ARHGAP32: variants seen among roughly 807,000 people sequenced by gnomAD.
The protein encoded by ARHGAP32 is rho GTPase-activating protein 32.
ARHGAP32 carries 51 observed loss-of-function variants against 186.5 expected under a neutral mutation model. The observed-to-expected ratio is 0.27, with a 90% CI of 0.22 to 0.35. The LOEUF is 0.35. ARHGAP32 is among the 10% of genes least tolerant of loss of function. ARHGAP32 has a pLI of 1.00. For missense variants in ARHGAP32, 2,186 were observed against 2,623.5 expected (o/e 0.83, Z 3.64); for synonymous variants, 950 against 964.3 (o/e 0.99, Z 0.27).
intron 1 of ARHGAP32, among the ~76,000 whole-genome samples, chr11:129,179,112 C>A (rs1343769756): frequency 1.3e-5 from 2 of 151,740 alleles, no homozygotes; most frequent in Admixed American, 6.6e-5. Context: ...AAACAAACAA[C>A]CCCATCAAAA....
chr11:129,257,145 T>C (rs892434577), intron 1 of ARHGAP32, among the ~76,000 whole-genome samples: 6 of 152,272 alleles, frequency 3.9e-5, no homozygotes, highest in Admixed American at 3.3e-4. Context: ...AAAATTTAAA[T>C]TCTATTAGAA....
intron 9 of ARHGAP32, 107 bp downstream of exon 9, chr11:129,063,794 TG>T: frequency 8.0e-7 from 1 of 1,256,846 alleles, no homozygotes; most frequent in Non-Finnish European, 1.1e-6. Context: ...TGGAAAAACC[TG>T]GTGCTTTTCA....
chr11:128,993,002 C>G (rs1946101987), intron 12 of ARHGAP32, among the ~76,000 whole-genome samples: 1 of 152,140 alleles, frequency 6.6e-6, no homozygotes, highest in African/African-American at 2.4e-5. Context: ...CCTGATTGAA[C>G]AGCAGGGACC....
chr11:129,229,418 G>A (rs1186760981), intron 1 of ARHGAP32, among the ~76,000 whole-genome samples: 3 of 151,918 alleles, frequency 2.0e-5, no homozygotes, highest in Non-Finnish European at 4.4e-5. Flanking sequence ...ATATTAATTA[G>A]TGAACCTTTG....
chr11:129,076,141 C>T lies in ARHGAP32; in HGVS notation c.532-9273G>A, dbSNP rs1174009136. Among the ~76,000 whole-genome samples, 4 of 152,198 alleles carry T rather than the reference C, an allele frequency of 2.6e-5. No individual in the cohort carries two copies. The East Asian group carries it at 7.7e-4, about 29-fold the overall frequency. On this transcript the variant is annotated intron_variant, in intron 6 of 22. Transcript: ENST00000682385. ...CAGTTTACAAATGAGATAACAACGT[C>T]AAGAAGTTACCCTATATGATCTAAC... is the stretch of plus-strand genomic sequence containing the variant.
chr11:129,001,455 A>C (rs1186104008), intron 11 of ARHGAP32, among the ~76,000 whole-genome samples: 1 of 152,216 alleles, frequency 6.6e-6, no homozygotes, highest in Non-Finnish European at 1.5e-5. Flanking sequence ...CCCATTTGTT[A>C]ATCAAATTAT....
In ARHGAP32 at chr11:128,969,768, A is replaced by G. The variant is rs76199307; in HGVS notation, c.5445T>C (p.Thr1815=). 18 of 1,614,110 alleles carry G rather than the reference A, an allele frequency of 1.1e-5. No individual in the cohort carries two copies. The East Asian group carries it at 3.6e-4, about 32-fold the overall frequency. Residue 1815 remains threonine (T), a synonymous_variant, in exon 23 of 23, where the codon ACT becomes ACC. Coordinates refer to ENST00000682385, the MANE Select transcript of ARHGAP32 (RefSeq NM_001378024.1). The surrounding 1 kb of genome is among the most constrained non-coding windows in gnomAD (Gnocchi z 4.8). ...HLRSKSDPGK[T]GLLSVAEGKE... ...TTCCTTCTGCCACTGAGAGAAGTCCAGTTTTCCCAGGATCTGATTTACTAC... is the reference window on the plus strand; with the variant it reads ...TTCCTTCTGCCACTGAGAGAAGTCCGGTTTTCCCAGGATCTGATTTACTAC...
chr11:128,979,820 A>C (rs1428976104), intron 18 of ARHGAP32, among the ~76,000 whole-genome samples: 2 of 152,224 alleles, frequency 1.3e-5, no homozygotes, highest in Non-Finnish European at 2.9e-5. Context: ...AGACATCAAA[A>C]ATAACTTTTA....
At chr11:129,046,130 GCTGGTTTCAAGCTAC>G (rs1939796638) in intron 10 of ARHGAP32, among the ~76,000 whole-genome samples, 1 of 152,024 alleles carries the variant, frequency 6.6e-6, no homozygotes, top group Non-Finnish European at 1.5e-5. Context: ...TCCCATCATG[GCTGGTTTCAAGCTAC>G]CAACTTGATA....
chr11:129,069,753 AAC>A (rs1940811476), intron 6 of ARHGAP32, among the ~76,000 whole-genome samples: 1 of 146,070 alleles, frequency 6.8e-6, no homozygotes, highest in African/African-American at 2.7e-5. Context: ...TTCAACTCCA[AAC>A]ATGTGTACAA....
At chr11:129,074,608 C>T (rs1160426022) in intron 6 of ARHGAP32, among the ~76,000 whole-genome samples, 3 of 152,132 alleles carry the variant, frequency 2.0e-5, no homozygotes, top group Admixed American at 2.0e-4. Context: ...ATTCTCCTGC[C>T]TCAGCTTCCC....
chr11:129,248,765 A>G (rs959178798), intron 1 of ARHGAP32, among the ~76,000 whole-genome samples: 71 of 152,280 alleles, frequency 4.7e-4, no homozygotes, highest in African/African-American at 1.7e-3. Flanking sequence ...GTGCTTCCCC[A>G]TCAGTACTGC....
rs80167096 is a variant in ARHGAP32, at chr11:129,025,096, C to T, written c.1045+15832G>A. The stretch of plus-strand genomic sequence containing the variant: ...TAATTTACAAAATAATGTTATAGCA[C>T]TTACTATGTGCCAGACACAATTCTA... On this transcript the variant is annotated intron_variant, in intron 11 of 22. Transcript: ENST00000682385. Among the ~76,000 whole-genome samples the T allele has an allele frequency of 9.3e-4, 141 of 152,212 alleles. 1 individual carries two copies. The East Asian group carries it at 0.025, about 27-fold the overall frequency.
At chr11:129,103,974 T>A (rs531217757) in intron 5 of ARHGAP32, among the ~76,000 whole-genome samples, 1 of 152,170 alleles carries the variant, frequency 6.6e-6, no homozygotes, top group Admixed American at 6.5e-5. Flanking sequence ...ATAGGAAATA[T>A]CTAAGTAACT....
intron 11 of ARHGAP32, chr11:129,024,169 C>T (rs1938729664): frequency 1.0e-6 from 1 of 985,374 alleles, no homozygotes; most frequent in Non-Finnish European, 1.2e-6. Flanking sequence ...GAGCTTAATC[C>T]TCCTCTCTCA....
chr11:129,208,838 A>G (rs1944546804), intron 1 of ARHGAP32, among the ~76,000 whole-genome samples: 1 of 152,176 alleles, frequency 6.6e-6, no homozygotes, highest in African/African-American at 2.4e-5. Context: ...AGTGACAAAA[A>G]AGAGTGGAAA....
chr11:129,004,091 C>G (rs1261727172), intron 11 of ARHGAP32, among the ~76,000 whole-genome samples: 2 of 151,774 alleles, frequency 1.3e-5, no homozygotes, highest in Non-Finnish European at 2.9e-5. Flanking sequence ...GAAATTTTTT[C>G]AATTTCCTTC....
intron 11 of ARHGAP32, among the ~76,000 whole-genome samples, chr11:129,006,253 C>T (rs1184937753): frequency 6.6e-6 from 1 of 152,098 alleles, no homozygotes; most frequent in Non-Finnish European, 1.5e-5. Flanking sequence ...GGTGGGGTCA[C>T]GTTTTCCTGG....
chr11:129,263,082 A>G (rs1163787064), intron 1 of ARHGAP32, among the ~76,000 whole-genome samples: 1 of 152,190 alleles, frequency 6.6e-6, no homozygotes, highest in African/African-American at 2.4e-5. Flanking sequence ...TATACCATAT[A>G]CAAAAATTAA....
Sources: allele counts gnomAD v4.1 joint callset (sites outside exome capture counted in the v4.1 genomes callset), GRCh38; gene constraint gnomAD v4.1.1; non-coding constraint Gnocchi (gnomAD v3.1); transcripts MANE v1.5; gene names NCBI Gene and HGNC (gene_info 2026-07-23, HGNC 2026-07-21).